The following PRELID2 variants were observed in gnomAD, a reference collection of about 807,000 sequenced individuals.
PRELID2 encodes the protein PRELI domain-containing protein 2.
A neutral mutation model predicts 28.4 loss-of-function variants in PRELID2; 25 were observed. The observed-to-expected ratio is 0.88, with a 90% confidence interval of 0.64 to 1.23. The LOEUF is 1.23. Among genes scored for constraint, PRELID2 ranks in the 50% most tolerant of loss-of-function variants. PRELID2 has a pLI of 0.00. For synonymous variants in PRELID2, 76 were observed against 71.6 expected, an observed-to-expected ratio of 1.06 and a Z score of -0.31; for missense variants, 201 against 214.4, an observed-to-expected ratio of 0.94 and a Z score of 0.39.
chr5:145,288,128 C>G, the PRELID2 span, among the ~76,000 whole-genome samples: 1 of 152,002 alleles, frequency 6.6e-6, no homozygotes, highest in Non-Finnish European at 1.5e-5. Flanking sequence ...TAGTTTCCTA[C>G]ACTGTAAAGT....
the PRELID2 span, among the ~76,000 whole-genome samples, chr5:145,248,591 G>A: frequency 5.4e-5 from 7 of 129,164 alleles, no homozygotes; most frequent in Admixed American, 2.9e-4. Flanking sequence ...TCAAGAGATC[G>A]ATCGAGAACA....
rs184204949 is a variant in PRELID2 at position 145,712,877 on chromosome 5, A to T, written n.70+52054T>A. Among the ~76,000 whole-genome samples, 294 of 152,222 alleles carry T rather than the reference A, an allele frequency of 1.9e-3. 1 individual carries two copies. The highest frequency in any genetic ancestry group is 3.7e-3 in the Non-Finnish European group (249 of 67,980). On this transcript the variant is annotated intron_variant and non_coding_transcript_variant, in intron 1 of 2. Coordinates refer to the PRELID2 transcript ENST00000510259. The stretch of plus-strand genomic sequence containing the variant: ...TCAACACATATATGAAAAAATGGAA[A>T]CATGAAAAGTGAAAAATATCAGAGA...
At chr5:145,567,758 C>A (rs1343093147) in intron 1 of PRELID2, among the ~76,000 whole-genome samples, 2 of 152,020 alleles carry the variant, frequency 1.3e-5, no homozygotes, top group Non-Finnish European at 2.9e-5. Flanking sequence ...GTTCTTACTA[C>A]CCCTTTGCCT....
intron 1 of PRELID2, among the ~76,000 whole-genome samples, chr5:145,731,392 T>A (rs1432753): frequency 1.3e-5 from 2 of 152,098 alleles, no homozygotes; most frequent in East Asian, 1.9e-4. Context: ...TGAGTCCAAT[T>A]TGTCAGAGAG....
the PRELID2 span, among the ~76,000 whole-genome samples, chr5:145,413,299 T>G: frequency 6.6e-6 from 1 of 151,710 alleles, no homozygotes; most frequent in Non-Finnish European, 1.5e-5. Context: ...ACCTTACTCT[T>G]GCAAGAATGA....
intron 1 of PRELID2, among the ~76,000 whole-genome samples, chr5:145,736,547 T>A (rs1343497235): frequency 6.6e-6 from 1 of 152,200 alleles, no homozygotes; most frequent in East Asian, 1.9e-4. Context: ...TTTGTTTGAC[T>A]CTATGATCTA....
chr5:145,620,458 G>A (rs1176396510), intron 1 of PRELID2, among the ~76,000 whole-genome samples: 1 of 152,182 alleles, frequency 6.6e-6, no homozygotes, highest in Non-Finnish European at 1.5e-5. Context: ...CACTTTTGTG[G>A]GGGATATTGA....
At chr5:145,683,593 G>A (rs979949614) in intron 1 of PRELID2, among the ~76,000 whole-genome samples, 1 of 152,070 alleles carries the variant, frequency 6.6e-6, no homozygotes, top group African/African-American at 2.4e-5. Flanking sequence ...GTATCTCTCT[G>A]CATATCTACA....
chr5:145,734,346 T>C (rs148453336), intron 1 of PRELID2, among the ~76,000 whole-genome samples: 76 of 152,274 alleles, frequency 5.0e-4, no homozygotes, highest in African/African-American at 1.6e-3. Context: ...GGTATTACAT[T>C]TGTGTTGTTT....
chr5:145,434,701 A>G, the PRELID2 span, among the ~76,000 whole-genome samples: 1 of 152,192 alleles, frequency 6.6e-6, no homozygotes, highest in Non-Finnish European at 1.5e-5. Context: ...TCAACCTGGC[A>G]TCTCTATCTT....
the PRELID2 span, among the ~76,000 whole-genome samples, chr5:145,390,503 G>C: frequency 6.6e-6 from 1 of 152,118 alleles, no homozygotes; most frequent in Admixed American, 6.5e-5. Context: ...ATGAGAATTT[G>C]AGAACAGCAT....
chr5:145,667,869 C>A (rs1754626321), intron 1 of PRELID2, among the ~76,000 whole-genome samples: 1 of 152,116 alleles, frequency 6.6e-6, no homozygotes, highest in Non-Finnish European at 1.5e-5. Flanking sequence ...CTAACCTCAG[C>A]CACTGTGTGT....
At chr5:145,608,377 T>C (rs1753539971) in intron 1 of PRELID2, among the ~76,000 whole-genome samples, 1 of 152,200 alleles carries the variant, frequency 6.6e-6, no homozygotes, top group Non-Finnish European at 1.5e-5. Flanking sequence ...TGATGGCTGG[T>C]AACAGTCTTT....
chr5:145,513,413 T>A (rs1752483526), intron 1 of PRELID2, among the ~76,000 whole-genome samples: 1 of 151,208 alleles, frequency 6.6e-6, no homozygotes, highest in Non-Finnish European at 1.5e-5. Flanking sequence ...CTTAATGAAA[T>A]AAAGTGTGAA....
chr5:145,660,740 T>C (rs150325096), intron 1 of PRELID2, among the ~76,000 whole-genome samples: 1,552 of 152,066 alleles, frequency 0.01, 35 homozygotes, highest in African/African-American at 0.036. Flanking sequence ...TCAGAAGAAA[T>C]AGGAACAGGA....
chr5:145,772,470 T>C (rs2149783536), intron 5 of PRELID2, among the ~76,000 whole-genome samples: 1 of 152,334 alleles, frequency 6.6e-6, no homozygotes, highest in Non-Finnish European at 1.5e-5. Flanking sequence ...TTTACAGTGC[T>C]GGAGGCTGGG....
At chr5:145,480,658 T>A (rs1752150290) in intron 1 of PRELID2, among the ~76,000 whole-genome samples, 1 of 152,172 alleles carries the variant, frequency 6.6e-6, no homozygotes, top group Non-Finnish European at 1.5e-5. Context: ...AAAAGGACTG[T>A]TTGACCAAGT....
At chr5:145,717,478 T>G in intron 1 of PRELID2, among the ~76,000 whole-genome samples, 1 of 151,978 alleles carries the variant, frequency 6.6e-6, no homozygotes, top group Non-Finnish European at 1.5e-5. Flanking sequence ...AAAAGTCTTA[T>G]CATATATACG....
intron 1 of PRELID2, among the ~76,000 whole-genome samples, chr5:145,514,375 A>G (rs1462288512): frequency 6.6e-6 from 1 of 151,974 alleles, no homozygotes; most frequent in Non-Finnish European, 1.5e-5. Flanking sequence ...CAGACTTTAA[A>G]CCAGCAAAGA....
Sources: gnomAD v4.1 joint callset for allele counts (sites outside exome capture counted in the v4.1 genomes callset) on GRCh38, gnomAD v4.1.1 for gene constraint, MANE v1.5 for transcripts, NCBI Gene and HGNC (gene_info 2026-07-23, HGNC 2026-07-21) for gene names.